The following TBL1X variants were observed in gnomAD, a reference collection of about 807,000 sequenced individuals.
TBL1X encodes the protein F-box-like/WD repeat-containing protein TBL1X.
A neutral mutation model predicts 50.7 loss-of-function variants in TBL1X; 10 were observed. That is an observed-to-expected ratio of 0.20 (90% CI 0.12 to 0.33). The LOEUF (loss-of-function observed/expected upper bound fraction) is 0.33. Among genes scored for constraint, TBL1X ranks in the 10% least tolerant of loss-of-function variants. TBL1X has a pLI of 1.00. For missense variants in TBL1X, 340 were observed against 504.4 expected (o/e 0.67, Z 3.12); for synonymous variants, 190 against 214.7 (o/e 0.88, Z 1.01).
intron 1 of TBL1X, among the ~76,000 whole-genome samples, chrX:9,476,270 A>G (rs2081849043): frequency 8.9e-6 from 1 of 112,032 alleles, no homozygotes; most frequent in Non-Finnish European, 1.9e-5. Flanking sequence ...ATTTGGGAAT[A>G]TACCTTATCT....
chrX:9,501,028 C>T (rs915503595), intron 1 of TBL1X, among the ~76,000 whole-genome samples: 1 of 111,564 alleles, frequency 9.0e-6, no homozygotes, highest in Non-Finnish European at 1.9e-5. Context: ...TCCAGAAGCT[C>T]TGCGAGTCTG....
chrX:9,479,321 C>G (rs2081866729), intron 1 of TBL1X, among the ~76,000 whole-genome samples: 2 of 112,225 alleles, frequency 1.8e-5, no homozygotes, highest in African/African-American at 6.5e-5. Flanking sequence ...TAGCACACGC[C>G]TGTAATCCCA....
At chrX:9,503,381 C>A (rs2082010880) in intron 2 of TBL1X, among the ~76,000 whole-genome samples, 1 of 113,206 alleles carries the variant, frequency 8.8e-6, no homozygotes, top group Non-Finnish European at 1.9e-5. Flanking sequence ...ATTCTTACAG[C>A]CTCTCAGCTG....
intron 2 of TBL1X, among the ~76,000 whole-genome samples, chrX:9,531,359 GTGTGTGT>G: frequency 1.2e-5 from 1 of 81,077 alleles, no homozygotes; most frequent in African/African-American, 7.0e-5. Context: ...TGGAGGGTGT[GTGTGTGT>G]GTGTGTGTGT....
rs149545658 is a variant in TBL1X, at chrX:9,610,243, C to T, written c.-130-30030C>T. 4.7e-4 allele frequency among the ~76,000 whole-genome samples: 53 copies of T among 112,577 alleles called. No homozygotes were observed. In the East Asian group the frequency reaches 0.011, roughly 24 times the overall value. On this transcript the variant is annotated intron_variant, in intron 2 of 17. Transcript: ENST00000645353. ...CGTGTTGGGGTGTTACAAGAGCATG[C>T]GGAGGCTGCTCCTCTCCTGTTTCCT... is the stretch of plus-strand genomic sequence containing the variant.
intron 6 of TBL1X, 120 bp downstream of exon 6, chrX:9,684,308 G>A: frequency 2.0e-6 from 2 of 983,705 alleles, no homozygotes; most frequent in Non-Finnish European, 2.8e-6. Context: ...TCCGCGGCAG[G>A]GTGCAGTGGC....
chrX:9,602,053 A>G (rs2082559879), intron 2 of TBL1X, among the ~76,000 whole-genome samples: 1 of 112,172 alleles, frequency 8.9e-6, no homozygotes, highest in Non-Finnish European at 1.9e-5. Flanking sequence ...TGAGAAAACA[A>G]AAAGAAAGAA....
chrX:9,632,621 C>A (rs1055817204), intron 2 of TBL1X, among the ~76,000 whole-genome samples: 1 of 111,930 alleles, frequency 8.9e-6, no homozygotes, highest in Admixed American at 9.5e-5. Flanking sequence ...CATCTCAGTA[C>A]TAGTGTTTTA....
intron 2 of TBL1X, among the ~76,000 whole-genome samples, chrX:9,543,584 G>T (rs778839987): frequency 5.4e-4 from 60 of 110,578 alleles, no homozygotes; most frequent in Non-Finnish European, 9.8e-4. Flanking sequence ...CTTCGTCTTG[G>T]GGGTGTGCAA....
rs1315837650 is a variant in TBL1X, at chrX:9,627,399, AT to A, written c.-130-12869del. Reference sequence around the variant, plus strand: ...GAAAAGCAAAACCCTGTGATAACTCATTTTTGTTCCAGCTACAATATTGTGG... The same window carrying A: ...GAAAAGCAAAACCCTGTGATAACTCATTTTGTTCCAGCTACAATATTGTGG... On this transcript the variant is annotated intron_variant, in intron 2 of 17. Coordinates refer to ENST00000645353, the MANE Select transcript of TBL1X (RefSeq NM_005647.4). 1.2e-4 allele frequency among the ~76,000 whole-genome samples: 13 copies of A among 112,080 alleles called. No homozygotes were observed. The Admixed American group carries it at 1.2e-3, about 11-fold the overall frequency.
intron 1 of TBL1X, among the ~76,000 whole-genome samples, chrX:9,492,160 G>A (rs143730244): frequency 0.011 from 1,208 of 111,874 alleles, 14 homozygotes; most frequent in African/African-American, 0.037. Flanking sequence ...GTTGTGAGAC[G>A]AAGGTTTCTT....
chrX:9,554,462 A>G (rs1334012414), intron 2 of TBL1X, among the ~76,000 whole-genome samples: 1 of 112,464 alleles, frequency 8.9e-6, no homozygotes, highest in African/African-American at 3.2e-5. Flanking sequence ...ATTCAATACA[A>G]TTTATTGTTT....
intron 2 of TBL1X, among the ~76,000 whole-genome samples, chrX:9,572,503 G>A (rs2082391296): frequency 8.9e-6 from 1 of 112,939 alleles, no homozygotes; most frequent in African/African-American, 3.2e-5. Flanking sequence ...TTATTTTTAT[G>A]TGAAAACTCT....
chrX:9,563,485 T>G (rs992582056), intron 2 of TBL1X, among the ~76,000 whole-genome samples: 3 of 112,903 alleles, frequency 2.7e-5, no homozygotes, highest in Admixed American at 1.9e-4. Flanking sequence ...TTTTTTCTTC[T>G]GAAAACAAAT....
In TBL1X at chrX:9,500,873, A is replaced by T. The variant is rs2081997711; in HGVS notation, c.-200-907A>T. Among the ~76,000 whole-genome samples the T allele has an allele frequency of 3.6e-5, 4 of 111,788 alleles. No individual in the cohort carries two copies. In the South Asian group the frequency reaches 1.5e-3, roughly 42 times the overall value. The stretch of plus-strand genomic sequence containing the variant: ...AGGGGACACTCGGCAATGTCTGGAG[A>T]CAGTTTTGGTTGTGACACTGGGTTA... On this transcript the variant is annotated intron_variant, in intron 1 of 17. Coordinates refer to ENST00000645353, the MANE Select transcript of TBL1X (RefSeq NM_005647.4).
chrX:9,610,219 G>A (rs975049370), intron 2 of TBL1X, among the ~76,000 whole-genome samples: 2 of 112,723 alleles, frequency 1.8e-5, no homozygotes, highest in Non-Finnish European at 3.7e-5. Flanking sequence ...GACTGCTGAC[G>A]TGTTGGGGTG....
intron 1 of TBL1X, among the ~76,000 whole-genome samples, chrX:9,481,280 A>T (rs1439925466): frequency 9.0e-6 from 1 of 111,708 alleles, no homozygotes; most frequent in Non-Finnish European, 1.9e-5. Flanking sequence ...ACCGAAATAA[A>T]CTTTTTCTGG....
At chrX:9,484,022 T>C (rs1205705287) in intron 1 of TBL1X, among the ~76,000 whole-genome samples, 1 of 112,379 alleles carries the variant, frequency 8.9e-6, no homozygotes, top group African/African-American at 3.2e-5. Context: ...TTTTTCTTTT[T>C]TATTTCTTTG....
intron 12 of TBL1X, among the ~76,000 whole-genome samples, chrX:9,701,377 C>T (rs1411023900): frequency 1.8e-5 from 2 of 109,261 alleles, no homozygotes; most frequent in East Asian, 2.9e-4. Context: ...CTCTTACCGG[C>T]CATTCACCCA....
Sources: gnomAD v4.1 joint callset for allele counts (sites outside exome capture counted in the v4.1 genomes callset) on GRCh38, gnomAD v4.1.1 for gene constraint, MANE v1.5 for transcripts, NCBI Gene and HGNC (gene_info 2026-07-23, HGNC 2026-07-21) for gene names.